The following GTF2A1L variants were observed in gnomAD, a reference collection of about 807,000 sequenced individuals.
GTF2A1L encodes general transcription factor IIA subunit 1 like.
Under a neutral mutation model 49.7 loss-of-function variants are expected in GTF2A1L, and 48 were observed. That is an observed-to-expected ratio of 0.97 (90% CI 0.77 to 1.23). The LOEUF (loss-of-function observed/expected upper bound fraction) is 1.23. Ranked by LOEUF, GTF2A1L falls within the 50% of genes most tolerant of loss-of-function variation. GTF2A1L has a pLI of 0.00. For synonymous variants in GTF2A1L, 246 were observed against 193.5 expected (o/e 1.27, Z -2.25); for missense variants, 736 against 564.8 (o/e 1.30, Z -3.07).
chr2:48,635,968 TC>T (rs1224367952), intron 3 of GTF2A1L, among the ~76,000 whole-genome samples: 1 of 152,112 alleles, frequency 6.6e-6, no homozygotes, highest in Non-Finnish European at 1.5e-5. Context: ...GAAAGGTGAG[TC>T]ACTGAGGGAG....
intron 6 of GTF2A1L, among the ~76,000 whole-genome samples, chr2:48,649,533 C>T (rs1677729085): frequency 6.6e-6 from 1 of 152,114 alleles, no homozygotes; most frequent in Non-Finnish European, 1.5e-5. Context: ...AATTGTATGA[C>T]TTAGAGAAGT....
At chr2:48,654,629 C>T (rs1678066794) in intron 6 of GTF2A1L, among the ~76,000 whole-genome samples, 1 of 152,216 alleles carries the variant, frequency 6.6e-6, no homozygotes, top group Admixed American at 6.5e-5. Flanking sequence ...GGTGATCCCC[C>T]TGCCTCAGCC....
chr2:48,674,174 T>C (rs7587112), intron 8 of GTF2A1L, among the ~76,000 whole-genome samples: 34,096 of 152,108 alleles, frequency 0.22, 3,928 homozygotes, highest in South Asian at 0.26. Context: ...TAAGGAACTA[T>C]TAGACTATTT....
intron 1 of GTF2A1L, 147 bp downstream of exon 1, chr2:48,618,042 A>C: frequency 1.2e-6 from 1 of 830,436 alleles, no homozygotes; most frequent in African/African-American, 1.7e-5. Flanking sequence ...GCTCTTCTTC[A>C]CGTCTGTGTT....
chr2:48,669,679 C>T lies in GTF2A1L; in HGVS notation c.979-43C>T, dbSNP rs139696585. On this transcript the variant is annotated intron_variant, in intron 6 of 8. Coordinates refer to ENST00000403751, the MANE Select transcript of GTF2A1L (RefSeq NM_006872.5). Reference sequence around the variant, plus strand: ...AAATTTGGATTCAATATTTTATATACCTTATTTGACTTGAACTTTATTGTA... The same window carrying T: ...AAATTTGGATTCAATATTTTATATATCTTATTTGACTTGAACTTTATTGTA... 115 of 1,563,924 alleles carry T rather than the reference C, an allele frequency of 7.4e-5. 1 individual carries two copies. The East Asian group carries it at 2.4e-3, about 33-fold the overall frequency.
chr2:48,653,936 A>C (rs1678018212), intron 6 of GTF2A1L, among the ~76,000 whole-genome samples: 1 of 151,324 alleles, frequency 6.6e-6, no homozygotes. Context: ...AAAAAAAAAA[A>C]AAAAAAAGAA....
At chr2:48,677,852 A>G (rs1349476081) in intron 8 of GTF2A1L, among the ~76,000 whole-genome samples, 1 of 151,950 alleles carries the variant, frequency 6.6e-6, no homozygotes, top group Non-Finnish European at 1.5e-5. Context: ...AGCAAGCATA[A>G]AGAATACCTC....
chr2:48,626,007 G>A (rs1266002838), intron 3 of GTF2A1L, among the ~76,000 whole-genome samples: 1 of 144,100 alleles, frequency 6.9e-6, no homozygotes, highest in Non-Finnish European at 1.6e-5. Flanking sequence ...AAGGTCTTAT[G>A]GTTAGGTCTT....
rs547697102 is a variant in GTF2A1L at position 48,650,000 on chromosome 2, C to T, written c.978+2958C>T. Among the ~76,000 whole-genome samples the T allele has an allele frequency of 9.2e-5, 14 of 152,250 alleles. No individual in the cohort carries two copies. In the East Asian group the frequency reaches 2.7e-3, roughly 29 times the overall value. ...CCACCATCCTTTCCTCTGGTTAATT[C>T]CTGCTTATTCATTACTTCCTCCAGA... On this transcript the variant is annotated intron_variant, in intron 6 of 8. Coordinates refer to ENST00000403751, the MANE Select transcript of GTF2A1L (RefSeq NM_006872.5).
chr2:48,671,195 C>A, intron 7 of GTF2A1L, among the ~76,000 whole-genome samples: 1 of 151,910 alleles, frequency 6.6e-6, no homozygotes, highest in Middle Eastern at 3.4e-3. Flanking sequence ...TCCTTTATTT[C>A]TTTGTTTTGT....
At chr2:48,675,167 A>G (rs929237275) in intron 8 of GTF2A1L, among the ~76,000 whole-genome samples, 1 of 152,174 alleles carries the variant, frequency 6.6e-6, no homozygotes, top group Non-Finnish European at 1.5e-5. Context: ...TTACTAATTC[A>G]GTGTGTTTTA....
At position 48,661,046 on chromosome 2, in the gene GTF2A1L, A is replaced by G. The variant is rs527417331; in HGVS notation, c.979-8676A>G. On this transcript the variant is annotated intron_variant, in intron 6 of 8. Transcript: ENST00000403751. ...GAAGAAGCAACTCTTGGTTTTGTTG[A>G]TTTTTCTCCATTGTTTCTCATTCTG... Among the ~76,000 whole-genome samples the G allele has an allele frequency of 7.7e-4, 117 of 151,636 alleles. 1 individual carries two copies. The highest frequency in any genetic ancestry group is 1.5e-3 in the Non-Finnish European group (101 of 67,852).
At chr2:48,677,082 G>C (rs1319250608) in intron 8 of GTF2A1L, among the ~76,000 whole-genome samples, 1 of 151,610 alleles carries the variant, frequency 6.6e-6, no homozygotes, top group Non-Finnish European at 1.5e-5. Flanking sequence ...TGGTTTGTCT[G>C]TCCATAGGCC....
chr2:48,632,475 C>G (rs1173779045), intron 3 of GTF2A1L: 3 of 152,114 alleles, frequency 2.0e-5, no homozygotes, highest in Non-Finnish European at 4.4e-5. Context: ...CTCCGACTCC[C>G]TGGTTCAAGC....
intron 6 of GTF2A1L, among the ~76,000 whole-genome samples, chr2:48,653,920 CAAAAAAAA>C (rs70946819): frequency 8.1e-4 from 88 of 108,640 alleles, no homozygotes; most frequent in Non-Finnish European, 8.3e-4. Flanking sequence ...GACTGTGTCT[CAAAAAAAA>C]AAAAAAAAAA....
chr2:48,638,325 T>C (rs75167122), intron 3 of GTF2A1L, among the ~76,000 whole-genome samples: 3 of 152,234 alleles, frequency 2.0e-5, no homozygotes, highest in Non-Finnish European at 4.4e-5. Context: ...CAAAAATCCT[T>C]AACAAAATAC....
intron 3 of GTF2A1L, among the ~76,000 whole-genome samples, chr2:48,633,891 T>TTG (rs1676729564): frequency 3.0e-5 from 1 of 32,806 alleles, no homozygotes; most frequent in African/African-American, 6.4e-5. Flanking sequence ...TATAATGGCC[T>TTG]TCTTTGTTTT....
rs1403187265 is a variant in GTF2A1L, at chr2:48,621,292, T to C, written c.247+2T>C. On this transcript the variant is annotated splice_donor_variant, in intron 3 of 8. Coordinates refer to ENST00000403751, the MANE Select transcript of GTF2A1L (RefSeq NM_006872.5). LOFTEE classifies it high-confidence loss of function. Reference sequence around the variant, plus strand: ...ACCAAACATTGCAATCGTCAACAGGTTGGATACCATTAGTAAATGAGTACT... The same window carrying C: ...ACCAAACATTGCAATCGTCAACAGGCTGGATACCATTAGTAAATGAGTACT... 2 of 1,613,976 alleles carry C rather than the reference T, an allele frequency of 1.2e-6. No homozygotes were observed. The highest frequency in any genetic ancestry group is 1.7e-5 in the Admixed American group (1 of 59,982).
rs1289855048 is a variant in GTF2A1L at position 48,625,887 on chromosome 2, TA to T, written c.247+4598del. On this transcript the variant is annotated intron_variant, in intron 3 of 8. Coordinates refer to ENST00000403751, the MANE Select transcript of GTF2A1L (RefSeq NM_006872.5). ...TGTGAGCGACTGTGCCTGGCTTATT[TA>T]TTTTCGCTTTTGTAGCCCGAGCTTT... Among the ~76,000 whole-genome samples, 3 of 144,182 alleles carry T rather than the reference TA, an allele frequency of 2.1e-5. 1 individual carries two copies. Among genetic ancestry groups the T allele is most frequent in the African/African-American group, 4.9e-5 (2 of 40,464 alleles). 94.6% of individuals were successfully genotyped at this position (144,182 alleles called of 152,430 possible). A position where few individuals can be genotyped will look rare whatever the true frequency, so the allele number is the denominator to read the frequency against.
Sources: gnomAD v4.1 joint callset for allele counts (sites outside exome capture counted in the v4.1 genomes callset) on GRCh38, gnomAD v4.1.1 for gene constraint, MANE v1.5 for transcripts, NCBI Gene and HGNC (gene_info 2026-07-23, HGNC 2026-07-21) for gene names.